The following NRG1 variants were observed in gnomAD, a reference collection of about 807,000 sequenced individuals.
The protein encoded by NRG1 is pro-neuregulin-1, membrane-bound isoform.
A neutral mutation model predicts 63.8 loss-of-function variants in NRG1; 18 were observed. The ratio of observed to expected loss-of-function variants is 0.28; its 90% CI spans 0.19 to 0.42. The LOEUF is 0.42. NRG1 is among the 10% of genes least tolerant of loss of function. The pLI is 1.00. For synonymous variants in NRG1, 302 were observed against 301.3 expected (o/e 1.00, Z -0.02); for missense variants, 762 against 814.7 (o/e 0.94, Z 0.79).
intron 1 of NRG1, among the ~76,000 whole-genome samples, chr8:32,538,703 C>T (rs1373950397): frequency 6.6e-6 from 1 of 152,086 alleles, no homozygotes; most frequent in Non-Finnish European, 1.5e-5. Flanking sequence ...CAATGGCAGC[C>T]CAATCATTCC....
At chr8:32,195,930 T>C (rs921285025) in intron 1 of NRG1, among the ~76,000 whole-genome samples, 5 of 152,226 alleles carry the variant, frequency 3.3e-5, no homozygotes, top group African/African-American at 1.2e-4. Flanking sequence ...GCTCAGTCCC[T>C]GGCAATGTCA....
intron 1 of NRG1, among the ~76,000 whole-genome samples, chr8:31,903,084 T>C (rs1832221665): frequency 6.6e-6 from 1 of 151,866 alleles, no homozygotes; most frequent in Non-Finnish European, 1.5e-5. Flanking sequence ...CCAGCTGATA[T>C]TTAGCATCAA....
At chr8:32,462,519 C>T (rs888045241) in intron 1 of NRG1, among the ~76,000 whole-genome samples, 7 of 151,002 alleles carry the variant, frequency 4.6e-5, no homozygotes, top group African/African-American at 1.7e-4. Flanking sequence ...ACTTATTCTG[C>T]AGATTTTGAA....
intron 1 of NRG1, among the ~76,000 whole-genome samples, chr8:31,985,836 C>T (rs1809964719): frequency 6.6e-6 from 1 of 152,030 alleles, no homozygotes; most frequent in Non-Finnish European, 1.5e-5. Flanking sequence ...AGGGGCTGTA[C>T]TTATATTGCA....
intron 1 of NRG1, among the ~76,000 whole-genome samples, chr8:31,837,475 C>T (rs187137383): frequency 6.6e-6 from 1 of 152,012 alleles, no homozygotes; most frequent in African/African-American, 2.4e-5. Context: ...ATTAGCATAT[C>T]AATCACCTTA....
chr8:32,103,902 T>A (rs1830901780), intron 1 of NRG1, among the ~76,000 whole-genome samples: 3 of 152,160 alleles, frequency 2.0e-5, no homozygotes, highest in Non-Finnish European at 1.5e-5. Flanking sequence ...CTCCTTTATC[T>A]GTTGATTATA....
chr8:32,661,000 T>A (rs1802714332), intron 5 of NRG1, among the ~76,000 whole-genome samples: 1 of 152,226 alleles, frequency 6.6e-6, no homozygotes, highest in Non-Finnish European at 1.5e-5. Context: ...TTTGTTCATG[T>A]GGTTTTTCCT....
At chr8:32,548,160 G>A (rs1025451945), upstream of NRG1, 1 of 942,326 alleles carries the variant, frequency 1.1e-6, no homozygotes, top group Non-Finnish European at 1.3e-6. Flanking sequence ...TCCTCCCGGT[G>A]GCGTGTCCGC....
At chr8:32,184,596 T>C (rs1841781948) in intron 1 of NRG1, among the ~76,000 whole-genome samples, 1 of 151,904 alleles carries the variant, frequency 6.6e-6, no homozygotes, top group Non-Finnish European at 1.5e-5. Context: ...ATGTTTAGTT[T>C]TGTGAAAAAA....
intron 1 of NRG1, among the ~76,000 whole-genome samples, chr8:32,471,034 G>C (rs891460683): frequency 6.6e-6 from 1 of 152,068 alleles, no homozygotes; most frequent in South Asian, 2.1e-4. Context: ...ACTCCTAGGC[G>C]CAAGCAATCC....
chr8:31,689,728 C>A (rs912081383), intron 1 of NRG1, among the ~76,000 whole-genome samples: 8 of 152,064 alleles, frequency 5.3e-5, no homozygotes, highest in African/African-American at 1.9e-4. Flanking sequence ...AACTATTTTT[C>A]TGAACATTTG....
At chr8:32,448,978 G>C (rs990037242) in intron 1 of NRG1, among the ~76,000 whole-genome samples, 2 of 152,096 alleles carry the variant, frequency 1.3e-5, no homozygotes, top group Non-Finnish European at 1.5e-5. Context: ...AAAGAGTATG[G>C]AGGAAAGCGG....
intron 1 of NRG1, among the ~76,000 whole-genome samples, chr8:32,159,554 A>G (rs890823572): frequency 1.1e-4 from 16 of 151,760 alleles, no homozygotes; most frequent in South Asian, 4.2e-4. Context: ...AAAAAAAAAA[A>G]AAAAGAAAAA....
At chr8:32,373,717 G>T (rs1809236815) in intron 1 of NRG1, among the ~76,000 whole-genome samples, 1 of 152,122 alleles carries the variant, frequency 6.6e-6, no homozygotes, top group South Asian at 2.1e-4. Context: ...GGTTGAGGTT[G>T]CAGTGAGCCA....
At chr8:32,157,490 T>A (rs1388937448) in intron 1 of NRG1, among the ~76,000 whole-genome samples, 1 of 151,162 alleles carries the variant, frequency 6.6e-6, no homozygotes, top group Non-Finnish European at 1.5e-5. Flanking sequence ...TGAAACCCTG[T>A]CTCTACTAAA....
At chr8:32,121,095 G>A (rs1336339423) in intron 1 of NRG1, among the ~76,000 whole-genome samples, 1 of 151,974 alleles carries the variant, frequency 6.6e-6, no homozygotes, top group Non-Finnish European at 1.5e-5. Flanking sequence ...TGCACACCTT[G>A]GCTTACCCTA....
intron 1 of NRG1, among the ~76,000 whole-genome samples, chr8:32,236,852 T>A (rs757264890): frequency 1.3e-5 from 2 of 152,170 alleles, no homozygotes; most frequent in Non-Finnish European, 2.9e-5. Flanking sequence ...GATGCAGCCC[T>A]GTGAGAAACA....
At chr8:31,661,699 G>C (rs943906087) in intron 1 of NRG1, among the ~76,000 whole-genome samples, 1 of 152,180 alleles carries the variant, frequency 6.6e-6, no homozygotes. Context: ...GCTGTGTTCT[G>C]ATGTTGTCTA....
chr8:32,123,857 G>C (rs1288547758), intron 1 of NRG1, among the ~76,000 whole-genome samples: 1 of 151,736 alleles, frequency 6.6e-6, no homozygotes, highest in Admixed American at 6.6e-5. Flanking sequence ...CAGCCATGCT[G>C]TTAAAGAGAC....
Sources: allele counts gnomAD v4.1 joint callset (sites outside exome capture counted in the v4.1 genomes callset), GRCh38; gene constraint gnomAD v4.1.1; transcripts MANE v1.5; gene names NCBI Gene and HGNC (gene_info 2026-07-23, HGNC 2026-07-21).